The following TRAF3IP1 variants were observed in gnomAD, a reference collection of about 807,000 sequenced individuals.
TRAF3IP1 encodes the protein TRAF3-interacting protein 1.
Under a neutral mutation model 89.9 loss-of-function variants are expected in TRAF3IP1, and 53 were observed. That is an observed-to-expected ratio of 0.59 (90% CI 0.47 to 0.74). TRAF3IP1 has a LOEUF of 0.74. TRAF3IP1 is among the 30% of genes least tolerant of loss of function. The probability of loss-of-function intolerance (pLI) is 0.00; values close to 1 mark genes in which losing one functional copy is unlikely to be tolerated. For synonymous variants in TRAF3IP1, 311 were observed against 322.1 expected (o/e 0.97, Z 0.37); for missense variants, 806 against 866.1 (o/e 0.93, Z 0.87).
In TRAF3IP1 at chr2:238,353,441, C is replaced by G. The variant is rs151013807; in HGVS notation, c.1612+232C>G. Among the ~76,000 whole-genome samples, 28 of 152,294 alleles carry G rather than the reference C, an allele frequency of 1.8e-4. No homozygotes were observed. In the East Asian group the frequency reaches 5.2e-3, roughly 28 times the overall value. Reference sequence around the variant, plus strand: ...AGGAGGGGGAGGGCACAGTTGGAAGCTGGAAACTCACTGGCAACTGTCCTG... The same window carrying G: ...AGGAGGGGGAGGGCACAGTTGGAAGGTGGAAACTCACTGGCAACTGTCCTG... On this transcript the variant is annotated intron_variant, in intron 14 of 16. Coordinates refer to ENST00000373327, the MANE Select transcript of TRAF3IP1 (RefSeq NM_015650.4).
intron 1 of TRAF3IP1, 159 bp downstream of exon 1, chr2:238,320,944 T>A: frequency 2.0e-6 from 1 of 491,922 alleles, no homozygotes; most frequent in Non-Finnish European, 2.9e-6. Context: ...GGGCCGGGTG[T>A]GAACCGGGTG....
At chr2:238,378,802 C>G (rs536313509) in intron 15 of TRAF3IP1, among the ~76,000 whole-genome samples, 38 of 152,286 alleles carry the variant, frequency 2.5e-4, no homozygotes, top group East Asian at 1.2e-3. Context: ...GGGACCCCCC[C>G]CCAGGCCCCA....
intron 15 of TRAF3IP1, among the ~76,000 whole-genome samples, chr2:238,362,842 A>C (rs1187915230): frequency 6.6e-6 from 1 of 152,248 alleles, no homozygotes; most frequent in Non-Finnish European, 1.5e-5. Flanking sequence ...CTAGAGGCCG[A>C]GGGTTCCTGG....
At chr2:238,353,146 CT>C (rs1699248019) in intron 13 of TRAF3IP1, 26 bp from the exon 14 acceptor site, 1 of 1,614,004 alleles carries the variant, frequency 6.2e-7, no homozygotes, top group Non-Finnish European at 8.5e-7. Flanking sequence ...CCTGAATCTT[CT>C]TTTTCCCCCT....
chr2:238,394,411 C>T (rs1004915096), intron 15 of TRAF3IP1, among the ~76,000 whole-genome samples: 2 of 152,172 alleles, frequency 1.3e-5, no homozygotes, highest in Non-Finnish European at 2.9e-5. Context: ...GTCTTCCATT[C>T]CATGGACACA....
intron 15 of TRAF3IP1, among the ~76,000 whole-genome samples, chr2:238,361,592 A>T (rs1036589457): frequency 8.0e-5 from 12 of 150,768 alleles, no homozygotes; most frequent in Admixed American, 1.3e-4. Context: ...TTGTACCCCC[A>T]CCTCTCTAGG....
intron 5 of TRAF3IP1, among the ~76,000 whole-genome samples, chr2:238,331,429 A>G (rs549831558): frequency 7.9e-5 from 12 of 152,296 alleles, no homozygotes; most frequent in Non-Finnish European, 1.2e-4. Context: ...GTGAGCTGAC[A>G]TCACGCCACT....
intron 15 of TRAF3IP1, among the ~76,000 whole-genome samples, chr2:238,378,252 G>A (rs1255484169): frequency 1.3e-5 from 2 of 151,898 alleles, no homozygotes; most frequent in African/African-American, 4.8e-5. Flanking sequence ...GGACACCTAA[G>A]TTACTAGTTT....
chr2:238,340,001 T>A (rs1698560404), intron 8 of TRAF3IP1, among the ~76,000 whole-genome samples: 1 of 139,914 alleles, frequency 7.1e-6, no homozygotes, highest in African/African-American at 2.6e-5. Context: ...TGATGCCACC[T>A]GCTGGGGAGC....
intron 15 of TRAF3IP1, 126 bp downstream of exon 15, chr2:238,356,206 GC>G: frequency 1.2e-6 from 1 of 826,234 alleles, no homozygotes; most frequent in Non-Finnish European, 2.0e-6. Flanking sequence ...ATATTTAAAT[GC>G]CATTCCTGGC....
chr2:238,353,009 A>G, intron 13 of TRAF3IP1, 59 bp downstream of exon 13: 1 of 1,557,400 alleles, frequency 6.4e-7, no homozygotes, highest in Non-Finnish European at 8.7e-7. Flanking sequence ...ATTGAGATTA[A>G]TAGTCTAGCT....
At position 238,367,978 on chromosome 2, in the gene TRAF3IP1, T is replaced by TG. The variant is rs538099499; in HGVS notation, c.1689+11899dup. ...ATTCCATATTTCTTCAGCTTCCCTT[T>TG]GAAAAAAAAAAGGGAAATTTGTGTT... On this transcript the variant is annotated intron_variant, in intron 15 of 16. Coordinates refer to ENST00000373327, the MANE Select transcript of TRAF3IP1 (RefSeq NM_015650.4). Among the ~76,000 whole-genome samples, 262 of 137,406 alleles carry TG rather than the reference T, an allele frequency of 1.9e-3. 3 individuals carry two copies. The highest frequency in any genetic ancestry group is 6.8e-3 in the African/African-American group (249 of 36,860). The allele number at this position is 137,406 out of a possible 152,430, so 90.1% of individuals were successfully genotyped here.
chr2:238,333,346 C>T (rs144016408), intron 6 of TRAF3IP1, among the ~76,000 whole-genome samples: 221 of 152,248 alleles, frequency 1.5e-3, no homozygotes, highest in Non-Finnish European at 2.6e-3. Flanking sequence ...ATCATCTCCA[C>T]GTGGGCCGTC....
At chr2:238,337,280 C>G (rs957663951) in intron 7 of TRAF3IP1, among the ~76,000 whole-genome samples, 1 of 152,162 alleles carries the variant, frequency 6.6e-6, no homozygotes, top group Non-Finnish European at 1.5e-5. Flanking sequence ...GAGGGCCTCT[C>G]TGAGGGAGGA....
At position 238,353,164 on chromosome 2, in the gene TRAF3IP1, C is replaced by T. The variant is rs749302705; in HGVS notation, c.1576-9C>T. On this transcript the variant is annotated splice_polypyrimidine_tract_variant and intron_variant, in intron 13 of 16. Coordinates refer to ENST00000373327, the MANE Select transcript of TRAF3IP1 (RefSeq NM_015650.4). ...GAATCTTCTTTTTCCCCCTTCCTTT[C>T]CTGCTCAGGTAACAGCAGTGGAACT... 1 of 1,614,148 alleles carries T rather than the reference C, an allele frequency of 6.2e-7. No individual in the cohort carries two copies. The highest frequency in any genetic ancestry group is 8.5e-7 in the Non-Finnish European group (1 of 1,180,020).
In TRAF3IP1 at chr2:238,351,860, T is replaced by C. The variant is rs879826446; in HGVS notation, c.1452-967T>C. Among the ~76,000 whole-genome samples, 492 of 92,696 alleles carry C rather than the reference T, an allele frequency of 5.3e-3. 2 individuals carry two copies. Among genetic ancestry groups the C allele is most frequent in the Middle Eastern group, 0.015 (3 of 196 alleles). 60.8% of individuals were successfully genotyped at this position (92,696 alleles called of 152,430 possible). ...GTGTGTGTGTGTGTGTGTGTGTGTG[T>C]GTGTGTGCGCGCGCGCGCGTGTGCG... On this transcript the variant is annotated intron_variant, in intron 12 of 16. Transcript: ENST00000373327. This position sits in a 1 kb window ranked among gnomAD's most constrained non-coding sequence, Gnocchi z 5.2.
chr2:238,338,663 T>C (rs1052131312), intron 8 of TRAF3IP1, among the ~76,000 whole-genome samples: 1 of 152,254 alleles, frequency 6.6e-6, no homozygotes, highest in African/African-American at 2.4e-5. Flanking sequence ...ACTCAGCTTT[T>C]AGTTAATTAT....
At chr2:238,344,434 C>A in intron 8 of TRAF3IP1, 63 bp from the exon 9 acceptor site, 1 of 1,291,882 alleles carries the variant, frequency 7.7e-7, no homozygotes, top group Non-Finnish European at 1.1e-6. Context: ...GTTAATGAAG[C>A]CGCTGATCAC....
intron 2 of TRAF3IP1, 97 bp downstream of exon 2, chr2:238,325,471 A>T (rs887540033): frequency 8.0e-7 from 1 of 1,255,004 alleles, no homozygotes; most frequent in Admixed American, 1.8e-5. Flanking sequence ...TCTCTGCTGC[A>T]TGTGGTTGGA....
Sources: gnomAD v4.1 joint callset for allele counts (sites outside exome capture counted in the v4.1 genomes callset) on GRCh38, gnomAD v4.1.1 for gene constraint, Gnocchi (gnomAD v3.1) non-coding constraint, MANE v1.5 for transcripts, NCBI Gene and HGNC (gene_info 2026-07-23, HGNC 2026-07-21) for gene names.